Variants in CRACD observed in about 807,000 individuals in gnomAD.
CRACD encodes capping protein inhibiting regulator of actin dynamics.
CRACD carries 56 observed loss-of-function variants against 106.8 expected under a neutral mutation model. The ratio of observed to expected loss-of-function variants is 0.52; its 90% confidence interval spans 0.42 to 0.66. CRACD has a LOEUF of 0.66. CRACD is among the 30% of genes least tolerant of loss of function. The pLI is 0.00. For missense variants in CRACD, 1,730 were observed against 1,623.2 expected (o/e 1.07, Z -1.13); for synonymous variants, 754 against 670.8 (o/e 1.12, Z -1.92).
intron 2 of CRACD, among the ~76,000 whole-genome samples, chr4:56,258,748 TCA>T (rs1405512370): frequency 6.6e-6 from 1 of 152,004 alleles, no homozygotes; most frequent in Non-Finnish European, 1.5e-5. Flanking sequence ...TGACCAGAGG[TCA>T]AGTCTATACC....
chr4:56,272,020 A>C (rs1466685239), intron 2 of CRACD, among the ~76,000 whole-genome samples: 5 of 152,226 alleles, frequency 3.3e-5, no homozygotes, highest in African/African-American at 7.2e-5. Flanking sequence ...TTGGGATTAC[A>C]GGCATGAGCC....
intron 2 of CRACD, among the ~76,000 whole-genome samples, chr4:56,192,374 G>A (rs1342655417): frequency 6.6e-6 from 1 of 150,900 alleles, no homozygotes. Context: ...CCTGAGTGGC[G>A]ACAGAGCAAG....
At chr4:56,246,325 G>A (rs1055163902) in intron 2 of CRACD, among the ~76,000 whole-genome samples, 5 of 152,134 alleles carry the variant, frequency 3.3e-5, no homozygotes, top group Non-Finnish European at 5.9e-5. Flanking sequence ...GGGGCCTTAG[G>A]TGGAAGGTGA....
At position 56,207,736 on chromosome 4, in the gene CRACD, T is replaced by C. The variant is rs1050277487; in HGVS notation, c.-189+28306T>C. 4.0e-5 allele frequency among the ~76,000 whole-genome samples: 5 copies of C among 123,782 alleles called. No homozygotes were observed. In the South Asian group the frequency reaches 1.2e-3, roughly 30 times the overall value. 81.2% of individuals were successfully genotyped at this position (123,782 alleles called of 152,430 possible). On this transcript the variant is annotated intron_variant, in intron 2 of 10. Coordinates refer to ENST00000682029, the MANE Select transcript of CRACD (RefSeq NM_001393381.1). Reference sequence around the variant, plus strand: ...TCTTTTGTTGATACATTTTTAAAACTTGTTTTCTCATATATATATATATAT... The same window carrying C: ...TCTTTTGTTGATACATTTTTAAAACCTGTTTTCTCATATATATATATATAT...
intron 1 of CRACD, among the ~76,000 whole-genome samples, chr4:56,153,202 C>G (rs1041007861): frequency 1.3e-5 from 2 of 152,140 alleles, no homozygotes; most frequent in African/African-American, 2.4e-5. Context: ...TCGCCTGAGC[C>G]TAGGAGGCGG....
In CRACD at chr4:56,327,654, C is replaced by T. The variant is rs556361650; in HGVS notation, c.3552C>T (p.Ser1184=). ...TLPTSVTVEI[S]DSAPPAPLVK... Reference sequence around the variant, plus strand: ...CAAAACAAAATCCAGTGGAGATCTCCGACTCGGCTCCCCCAGCGCCGCTGG... The same window carrying T: ...CAAAACAAAATCCAGTGGAGATCTCTGACTCGGCTCCCCCAGCGCCGCTGG... The change falls in exon 11 of 11, where the codon TCC becomes TCT. Residue 1184 remains serine (S), a synonymous_variant. Transcript: ENST00000682029. 318 of 1,602,704 alleles carry T rather than the reference C, an allele frequency of 2.0e-4. 5 individuals carry two copies. The South Asian group carries it at 3.3e-3, about 17-fold the overall frequency.
intron 2 of CRACD, among the ~76,000 whole-genome samples, chr4:56,206,451 C>T (rs983222365): frequency 5.9e-5 from 9 of 152,184 alleles, no homozygotes; most frequent in South Asian, 2.1e-4. Context: ...TAGCCATAAA[C>T]GTAATGGCAG....
intron 1 of CRACD, among the ~76,000 whole-genome samples, chr4:56,153,087 T>G (rs1735640437): frequency 6.6e-6 from 1 of 152,196 alleles, no homozygotes; most frequent in Admixed American, 6.5e-5. Context: ...GAGACCAGCC[T>G]GGGCAATGTG....
intron 2 of CRACD, among the ~76,000 whole-genome samples, chr4:56,228,027 C>T (rs1487970815): frequency 6.6e-6 from 1 of 151,910 alleles, no homozygotes; most frequent in Non-Finnish European, 1.5e-5. Context: ...GCTGCGTGTT[C>T]TCCTTTCAGT....
chr4:56,068,906 A>G lies in CRACD; in HGVS notation c.-336+19607A>G, dbSNP rs546120065. On this transcript the variant is annotated intron_variant, in intron 1 of 10. Transcript: ENST00000682029. The stretch of plus-strand genomic sequence containing the variant: ...CCATATTTGGAGGTAAGGTCTTTGC[A>G]GATGTAATTGGTTAAACATCTTGGG... 2.6e-5 allele frequency among the ~76,000 whole-genome samples: 4 copies of G among 152,246 alleles called. No homozygotes were observed. In the South Asian group the frequency reaches 8.3e-4, roughly 32 times the overall value.
intron 1 of CRACD, among the ~76,000 whole-genome samples, chr4:56,059,672 A>G (rs1732203982): frequency 1.3e-5 from 2 of 151,514 alleles, no homozygotes; most frequent in South Asian, 4.2e-4. Flanking sequence ...GGCCCAAACT[A>G]TTTTGTTGTG....
At chr4:56,268,003 C>T (rs1162244198) in intron 2 of CRACD, among the ~76,000 whole-genome samples, 1 of 152,126 alleles carries the variant, frequency 6.6e-6, no homozygotes, top group Non-Finnish European at 1.5e-5. Flanking sequence ...TATTCAGCTC[C>T]TTCCAGAGCC....
At position 56,199,699 on chromosome 4, in the gene CRACD, G is replaced by GAA. The variant is rs200405228; in HGVS notation, c.-189+20277_-189+20278dup. ...TCCGTCTCAAAAAAAAAAAAGAAAA[G>GAA]AAAAAAAAAGAAAAAGAGAACCTAA... On this transcript the variant is annotated intron_variant, in intron 2 of 10. Transcript: ENST00000682029. Among the ~76,000 whole-genome samples the GAA allele has an allele frequency of 2.0e-3, 269 of 134,990 alleles. 1 individual carries two copies. Among genetic ancestry groups the GAA allele is most frequent in the African/African-American group, 6.6e-3 (245 of 36,858 alleles). 88.6% of individuals were successfully genotyped at this position (134,990 alleles called of 152,430 possible).
intron 2 of CRACD, among the ~76,000 whole-genome samples, chr4:56,237,850 G>C (rs1374503845): frequency 6.6e-6 from 1 of 151,374 alleles, no homozygotes; most frequent in African/African-American, 2.4e-5. Context: ...AGTATGTATA[G>C]ATATAGGAGA....
rs929926345 is a variant in CRACD, at chr4:56,111,479, A to T, written c.-336+62180A>T. Among the ~76,000 whole-genome samples the T allele has an allele frequency of 3.9e-5, 6 of 152,222 alleles. No homozygotes were observed. In the East Asian group the frequency reaches 1.2e-3, roughly 29 times the overall value. On this transcript the variant is annotated intron_variant, in intron 1 of 10. Coordinates refer to ENST00000682029, the MANE Select transcript of CRACD (RefSeq NM_001393381.1). ...TAAGGAAACATACATATAAAAAAGT[A>T]AAGTAAGTAAATAAAAGTGAAAATG...
intron 2 of CRACD, among the ~76,000 whole-genome samples, chr4:56,229,105 A>C (rs1739473668): frequency 1.3e-5 from 2 of 152,356 alleles, no homozygotes; most frequent in Middle Eastern, 3.4e-3. Context: ...GCAGGCATAA[A>C]CAAAATGAAT....
At chr4:56,122,186 TA>T (rs60318169) in intron 1 of CRACD, among the ~76,000 whole-genome samples, 313 of 150,694 alleles carry the variant, frequency 2.1e-3, no homozygotes, top group Non-Finnish European at 2.4e-3. Context: ...TCCATCTCTT[TA>T]AAAAAAAATG....
At chr4:56,132,040 A>G (rs1263522924) in intron 1 of CRACD, among the ~76,000 whole-genome samples, 2 of 152,136 alleles carry the variant, frequency 1.3e-5, no homozygotes, top group Non-Finnish European at 2.9e-5. Context: ...ATGGCTATAC[A>G]TTCAATTATA....
At chr4:56,095,074 T>C (rs949208084) in intron 1 of CRACD, among the ~76,000 whole-genome samples, 1 of 152,178 alleles carries the variant, frequency 6.6e-6, no homozygotes, top group African/African-American at 2.4e-5. Flanking sequence ...AAAAATACTT[T>C]AGGCTGGGTG....
Sources: allele counts gnomAD v4.1 joint callset (sites outside exome capture counted in the v4.1 genomes callset), GRCh38; gene constraint gnomAD v4.1.1; transcripts MANE v1.5; gene names NCBI Gene and HGNC (gene_info 2026-07-23, HGNC 2026-07-21).